Variants in CAMKMT observed in about 807,000 individuals in gnomAD.
CAMKMT encodes CaM KMT.
CAMKMT carries 53 observed loss-of-function variants against 48.0 expected under a neutral mutation model. That is an observed-to-expected ratio of 1.10 (90% confidence interval 0.89 to 1.39). CAMKMT has a LOEUF of 1.39. Ranked by LOEUF, CAMKMT falls within the 40% of genes most tolerant of loss-of-function variation. The pLI is 0.00. For synonymous variants in CAMKMT, 165 were observed against 152.3 expected (o/e 1.08, Z -0.61); for missense variants, 428 against 402.7 (o/e 1.06, Z -0.54).
chr2:44,493,613 A>G (rs698822), intron 3 of CAMKMT, among the ~76,000 whole-genome samples: 139,759 of 152,268 alleles, frequency 0.92, 64,367 homozygotes, highest in African/African-American at 0.98. Flanking sequence ...GACATTTTTG[A>G]CCACCTGATT....
chr2:44,741,860 C>T (rs964380986), intron 7 of CAMKMT, among the ~76,000 whole-genome samples: 3 of 152,198 alleles, frequency 2.0e-5, no homozygotes, highest in Non-Finnish European at 2.9e-5. Context: ...CCACTATCAC[C>T]ACAGGATTTC....
chr2:44,388,615 G>A (rs888761089), intron 2 of CAMKMT, among the ~76,000 whole-genome samples: 1 of 152,096 alleles, frequency 6.6e-6, no homozygotes, highest in Admixed American at 6.6e-5. Flanking sequence ...TGTTTTTCTG[G>A]TTCCTTCTCA....
At chr2:44,608,985 A>G (rs1364727023) in intron 3 of CAMKMT, among the ~76,000 whole-genome samples, 3 of 152,228 alleles carry the variant, frequency 2.0e-5, no homozygotes, top group Admixed American at 1.3e-4. Flanking sequence ...ATCTCTATTC[A>G]AGTCCAATCC....
At chr2:44,583,950 A>AT (rs1044608488) in intron 3 of CAMKMT, among the ~76,000 whole-genome samples, 1 of 152,234 alleles carries the variant, frequency 6.6e-6, no homozygotes, top group African/African-American at 2.4e-5. Context: ...ATGTATAAGC[A>AT]TATACATATA....
Position 44,375,598 on chromosome 2 carries a change from A to G in CAMKMT, c.311+2710A>G, listed in dbSNP as rs1016748289. 2.6e-5 allele frequency among the ~76,000 whole-genome samples: 4 copies of G among 152,152 alleles called. No individual in the cohort carries two copies. The East Asian group carries it at 7.7e-4, about 29-fold the overall frequency. ...TGGAAATGATTTTTAAAAAAACTGG[A>G]TCTGGAAGTACTTGAAAGTTCTGGG... On this transcript the variant is annotated intron_variant, in intron 2 of 10. Coordinates refer to ENST00000378494, the MANE Select transcript of CAMKMT (RefSeq NM_024766.5).
chr2:44,378,787 T>C (rs1679955861), intron 2 of CAMKMT, among the ~76,000 whole-genome samples: 1 of 152,186 alleles, frequency 6.6e-6, no homozygotes, highest in South Asian at 2.1e-4. Context: ...CCACCGCGCC[T>C]GGCCTAGAAT....
intron 3 of CAMKMT, among the ~76,000 whole-genome samples, chr2:44,469,431 G>A (rs556055530): frequency 9.9e-5 from 15 of 151,708 alleles, no homozygotes; most frequent in Non-Finnish European, 1.8e-4. Flanking sequence ...CTTTCAATGC[G>A]TAGCTTTAAG....
intron 2 of CAMKMT, among the ~76,000 whole-genome samples, chr2:44,384,287 T>A (rs978989461): frequency 5.3e-5 from 8 of 152,216 alleles, no homozygotes; most frequent in African/African-American, 1.7e-4. Context: ...TTGAGAATTG[T>A]CTATTCATGT....
chr2:44,409,183 G>A (rs12618331), intron 3 of CAMKMT, among the ~76,000 whole-genome samples: 1,598 of 12,162 alleles, frequency 0.13, 286 homozygotes, highest in African/African-American at 0.29. Flanking sequence ...ATATATATAT[G>A]TATATTGCTA....
intron 3 of CAMKMT, among the ~76,000 whole-genome samples, chr2:44,536,591 G>A (rs1366998640): frequency 1.1e-4 from 17 of 151,912 alleles, no homozygotes. Context: ...GCCTCCCAAA[G>A]TGCTAGGATT....
intron 2 of CAMKMT, among the ~76,000 whole-genome samples, chr2:44,389,673 A>G (rs1205552984): frequency 6.6e-6 from 1 of 152,180 alleles, no homozygotes; most frequent in African/African-American, 2.4e-5. Context: ...GTCAAGTCAA[A>G]TATTTAAAAG....
rs1489658802 is a variant in CAMKMT, at chr2:44,422,054, A to G, written c.376+31749A>G. Among the ~76,000 whole-genome samples, 4 of 152,310 alleles carry G rather than the reference A, an allele frequency of 2.6e-5. No homozygotes were observed. The East Asian group carries it at 7.7e-4, about 29-fold the overall frequency. On this transcript the variant is annotated intron_variant, in intron 3 of 10. Coordinates refer to ENST00000378494, the MANE Select transcript of CAMKMT (RefSeq NM_024766.5). ...GATATATGTCCCTGTCAAATCTCAC[A>G]TTGAAATGTAATCCCCAGTGTTGGA...
chr2:44,417,374 G>A (rs1006471290), intron 3 of CAMKMT, among the ~76,000 whole-genome samples: 2 of 152,056 alleles, frequency 1.3e-5, no homozygotes, highest in Non-Finnish European at 2.9e-5. Context: ...CAGCCTGGGT[G>A]AAAGAGGAAG....
chr2:44,755,384 C>T (rs886594140), intron 9 of CAMKMT, among the ~76,000 whole-genome samples: 1 of 152,156 alleles, frequency 6.6e-6, no homozygotes, highest in African/African-American at 2.4e-5. Flanking sequence ...CCACCCCTGT[C>T]GGCCTTGGGT....
chr2:44,674,357 C>T (rs541792638), intron 3 of CAMKMT, among the ~76,000 whole-genome samples: 3 of 152,312 alleles, frequency 2.0e-5, no homozygotes, highest in Middle Eastern at 3.4e-3. Context: ...TCTGTCTCCT[C>T]CACTAGACTA....
In CAMKMT at chr2:44,766,457, C is replaced by A. The variant is rs148200193; in HGVS notation, c.790C>A (p.Arg264=). Residue 264 remains arginine, a synonymous_variant, in exon 10 of 11, where the codon CGA becomes AGA. Transcript: ENST00000378494. ...GAAAGCGATGGTATTTGCCCCACGC[C>A]GAGGGAATACTTTAAACCAGTTTTG... ...RGKAMVFAPR[R]GNTLNQFCNL... The A allele has an allele frequency of 1.9e-6, 3 of 1,614,098 alleles. No homozygotes were observed. The East Asian group carries it at 6.7e-5, about 36-fold the overall frequency.
intron 3 of CAMKMT, chr2:44,549,712 C>T (rs1667601035): frequency 1.9e-6 from 1 of 523,782 alleles, no homozygotes; most frequent in African/African-American, 2.0e-5. Flanking sequence ...TAAGGATCCC[C>T]AAAGTCTCAG....
chr2:44,447,302 A>C (rs978631190), intron 3 of CAMKMT, among the ~76,000 whole-genome samples: 2 of 152,102 alleles, frequency 1.3e-5, no homozygotes, highest in African/African-American at 4.8e-5. Flanking sequence ...ATTTCCTTTT[A>C]TTCTCCTCGT....
At chr2:44,412,443 C>A (rs1229296908) in intron 3 of CAMKMT, among the ~76,000 whole-genome samples, 1 of 152,156 alleles carries the variant, frequency 6.6e-6, no homozygotes, top group Non-Finnish European at 1.5e-5. Context: ...TCAAGCAATT[C>A]TCCTGCCTCG....
Sources: allele counts gnomAD v4.1 joint callset (sites outside exome capture counted in the v4.1 genomes callset), GRCh38; gene constraint gnomAD v4.1.1; transcripts MANE v1.5; gene names NCBI Gene and HGNC (gene_info 2026-07-23, HGNC 2026-07-21).